GABRB3: variants seen among roughly 807,000 people sequenced by gnomAD.
GABRB3 encodes the protein gamma-aminobutyric acid type A receptor subunit beta3.
GABRB3 carries 14 observed loss-of-function variants against 52.1 expected under a neutral mutation model. That is an observed-to-expected ratio of 0.27 (90% CI 0.18 to 0.42). GABRB3 has a LOEUF of 0.42. Ranked by LOEUF, GABRB3 falls within the 10% of genes least tolerant of loss-of-function variation. The pLI, the probability that GABRB3 is intolerant of heterozygous loss-of-function variation, is 1.00. For missense variants in GABRB3, 307 were observed against 609.1 expected (o/e 0.50, Z 5.22); for synonymous variants, 260 against 232.3 (o/e 1.12, Z -1.08).
chr15:26,758,165 T>C (rs2140179824), intron 3 of GABRB3, among the ~76,000 whole-genome samples: 1 of 152,004 alleles, frequency 6.6e-6, no homozygotes, highest in East Asian at 1.9e-4. Flanking sequence ...AGTTTAGTAA[T>C]ATGTAAGTCT....
chr15:26,755,881 C>T (rs773990989), intron 3 of GABRB3, among the ~76,000 whole-genome samples: 11 of 152,164 alleles, frequency 7.2e-5, no homozygotes, highest in Non-Finnish European at 1.5e-4. Context: ...TCAACCAAAT[C>T]AGAGCAAGTA....
intron 3 of GABRB3, among the ~76,000 whole-genome samples, chr15:26,660,005 G>A (rs2140608703): frequency 6.6e-6 from 1 of 152,262 alleles, no homozygotes; most frequent in Middle Eastern, 3.4e-3. Flanking sequence ...GCCGAGGCGG[G>A]TGGATCACAA....
intron 3 of GABRB3, among the ~76,000 whole-genome samples, chr15:26,667,040 C>T (rs1222707707): frequency 6.6e-6 from 1 of 152,182 alleles, no homozygotes; most frequent in Non-Finnish European, 1.5e-5. Flanking sequence ...GGGTTAGGTG[C>T]TTTTGGTGTG....
rs201761981 is a variant in GABRB3 at position 26,629,824 on chromosome 15, TTAAC to T, written c.241-8294_241-8291del. On this transcript the variant is annotated intron_variant, in intron 3 of 8. Coordinates refer to ENST00000311550, the MANE Select transcript of GABRB3 (RefSeq NM_000814.6). ...ATAAAATATCCCTCCTGTAAATTAA[TTAAC>T]TGACACACTGAATGTGTGTTCACCA... Among the ~76,000 whole-genome samples, 636 of 152,264 alleles carry T rather than the reference TTAAC, an allele frequency of 4.2e-3. 11 individuals are homozygous for T. The South Asian group carries it at 0.064, about 15-fold the overall frequency.
At chr15:26,577,871 C>T (rs147249045) in intron 6 of GABRB3, among the ~76,000 whole-genome samples, 2,558 of 152,268 alleles carry the variant, frequency 0.017, 63 homozygotes, top group African/African-American at 0.056. Flanking sequence ...ACTGCAGCCT[C>T]AAACTCCTGG....
At chr15:26,756,128 A>T (rs1002534691) in intron 3 of GABRB3, among the ~76,000 whole-genome samples, 2 of 152,214 alleles carry the variant, frequency 1.3e-5, no homozygotes, top group African/African-American at 4.8e-5. Flanking sequence ...ATGTATTCAC[A>T]TATTATAAAA....
At chr15:26,760,938 A>G (rs1021809184) in intron 3 of GABRB3, among the ~76,000 whole-genome samples, 1 of 152,142 alleles carries the variant, frequency 6.6e-6, no homozygotes, top group Non-Finnish European at 1.5e-5. Context: ...ACAATCTCTG[A>G]GCCAAGTACA....
At chr15:26,689,961 C>G (rs1595532293) in intron 3 of GABRB3, among the ~76,000 whole-genome samples, 1 of 152,160 alleles carries the variant, frequency 6.6e-6, no homozygotes, top group Non-Finnish European at 1.5e-5. Flanking sequence ...GGTGTCCATT[C>G]AGTCAGCTGG....
At chr15:26,618,276 C>T (rs1404263462) in intron 4 of GABRB3, among the ~76,000 whole-genome samples, 1 of 151,730 alleles carries the variant, frequency 6.6e-6, no homozygotes, top group African/African-American at 2.4e-5. Context: ...TACTACAAGG[C>T]TACAGTAACC....
chr15:26,573,064 G>A (rs1431065658), intron 6 of GABRB3, among the ~76,000 whole-genome samples: 10 of 152,138 alleles, frequency 6.6e-5, no homozygotes, highest in Admixed American at 6.5e-4. Context: ...AGAGTGCTAA[G>A]AGCCACTCAA....
chr15:26,636,000 A>G (rs1893049977), intron 3 of GABRB3, among the ~76,000 whole-genome samples: 1 of 152,196 alleles, frequency 6.6e-6, no homozygotes, highest in Non-Finnish European at 1.5e-5. Context: ...CTGAATTGCT[A>G]TTAATTGGAT....
chr15:26,630,738 G>A (rs1892888752), intron 3 of GABRB3, among the ~76,000 whole-genome samples: 1 of 152,142 alleles, frequency 6.6e-6, no homozygotes, highest in Non-Finnish European at 1.5e-5. Context: ...AATGAAATCG[G>A]GGGCCCTCTC....
At chr15:26,631,697 A>T (rs1892917788) in intron 3 of GABRB3, among the ~76,000 whole-genome samples, 1 of 152,204 alleles carries the variant, frequency 6.6e-6, no homozygotes, top group Non-Finnish European at 1.5e-5. Flanking sequence ...CACTTTTATT[A>T]ACAAAATTTA....
intron 4 of GABRB3, among the ~76,000 whole-genome samples, chr15:26,600,052 A>G (rs886995602): frequency 4.6e-5 from 7 of 152,046 alleles, no homozygotes; most frequent in Non-Finnish European, 7.4e-5. Context: ...ATAGAAAAGA[A>G]CCAGATACAA....
chr15:26,733,363 T>G (rs1371254657), intron 3 of GABRB3, among the ~76,000 whole-genome samples: 1 of 152,100 alleles, frequency 6.6e-6, no homozygotes, highest in Non-Finnish European at 1.5e-5. Context: ...TTCTATATTG[T>G]AACAATGAGC....
intron 3 of GABRB3, among the ~76,000 whole-genome samples, chr15:26,650,310 C>A (rs1381344156): frequency 6.6e-6 from 1 of 152,068 alleles, no homozygotes; most frequent in Non-Finnish European, 1.5e-5. Context: ...TCACCCCAGC[C>A]CCATGCATAC....
intron 3 of GABRB3, among the ~76,000 whole-genome samples, chr15:26,733,256 C>A (rs1162426448): frequency 6.6e-6 from 1 of 151,504 alleles, no homozygotes; most frequent in Admixed American, 6.6e-5. Flanking sequence ...AAAATACATA[C>A]TACACACACA....
chr15:26,674,127 C>A (rs1028294332), intron 3 of GABRB3, among the ~76,000 whole-genome samples: 1 of 150,142 alleles, frequency 6.7e-6, no homozygotes, highest in Non-Finnish European at 1.5e-5. Context: ...GCTAGCAGGG[C>A]GCAGTGGCTC....
At chr15:26,773,455 C>T (rs1891218974), upstream of GABRB3, among the ~76,000 whole-genome samples, 1 of 151,476 alleles carries the variant, frequency 6.6e-6, no homozygotes, top group Non-Finnish European at 1.5e-5. Context: ...TGTCGGCAGC[C>T]TCGGCGCCGG....
Sources: gnomAD v4.1 joint callset for allele counts (sites outside exome capture counted in the v4.1 genomes callset) on GRCh38, gnomAD v4.1.1 for gene constraint, MANE v1.5 for transcripts, NCBI Gene and HGNC (gene_info 2026-07-23, HGNC 2026-07-21) for gene names.